The following PARP4 variants were observed in gnomAD, a reference collection of about 807,000 sequenced individuals.
PARP4 encodes poly(ADP-ribose) polymerase family member 4.
Under a neutral mutation model 187.7 loss-of-function variants are expected in PARP4, and 120 were observed. That is an observed-to-expected ratio of 0.64 (90% CI 0.55 to 0.74). PARP4 has a LOEUF of 0.74. PARP4 is among the 30% of genes least tolerant of loss of function. The probability of loss-of-function intolerance (pLI) is 0.00; values close to 1 mark genes in which losing one functional copy is unlikely to be tolerated. For missense variants in PARP4, 1,836 were observed against 2,070.5 expected, an observed-to-expected ratio of 0.89 and a Z score of 2.20; for synonymous variants, 654 against 740.9, an observed-to-expected ratio of 0.88 and a Z score of 1.90.
intron 17 of PARP4, among the ~76,000 whole-genome samples, chr13:24,465,073 C>A (rs1258383486): frequency 6.6e-6 from 1 of 152,102 alleles, no homozygotes; most frequent in East Asian, 1.9e-4. Context: ...AAATGCAAAT[C>A]AAAACCACGA....
chr13:24,451,951 G>C (rs1871541189), intron 24 of PARP4: 1 of 154,148 alleles, frequency 6.5e-6, no homozygotes, highest in South Asian at 2.1e-4. Flanking sequence ...AGCCTGGCGG[G>C]GTCTGCCTGG....
intron 7 of PARP4, among the ~76,000 whole-genome samples, chr13:24,494,230 G>A (rs1280988583): frequency 6.6e-6 from 1 of 152,086 alleles, no homozygotes; most frequent in African/African-American, 2.4e-5. Flanking sequence ...GGGTCTTGCT[G>A]TATTGCCCAG....
At chr13:24,425,978 G>A (rs1287733993) in intron 33 of PARP4, among the ~76,000 whole-genome samples, 1 of 152,200 alleles carries the variant, frequency 6.6e-6, no homozygotes. Flanking sequence ...TTATGAAGTT[G>A]TATTTGCCAA....
chr13:24,496,047 TTTTC>T (rs1159361075), intron 6 of PARP4, among the ~76,000 whole-genome samples: 11 of 151,026 alleles, frequency 7.3e-5, no homozygotes, highest in Admixed American at 5.3e-4. Flanking sequence ...GATGCTACGG[TTTTC>T]TTTCTCAATG....
At chr13:24,486,625 G>A (rs1873572224) in intron 10 of PARP4, among the ~76,000 whole-genome samples, 2 of 152,124 alleles carry the variant, frequency 1.3e-5, no homozygotes, top group African/African-American at 4.8e-5. Context: ...GGGCAACAGA[G>A]CAAGACCATG....
chr13:24,507,651 A>C (rs993361911), intron 1 of PARP4, among the ~76,000 whole-genome samples: 1 of 151,844 alleles, frequency 6.6e-6, no homozygotes, highest in African/African-American at 2.4e-5. Flanking sequence ...ACTGGCTCCC[A>C]CTCCTGTTGC....
intron 30 of PARP4, among the ~76,000 whole-genome samples, chr13:24,441,179 C>G (rs1870907834): frequency 6.6e-6 from 1 of 152,022 alleles, no homozygotes; most frequent in Non-Finnish European, 1.5e-5. Flanking sequence ...CCCTAAAAGA[C>G]TTTTTGTAGA....
At chr13:24,477,928 C>T in intron 13 of PARP4, 71 bp from the exon 14 acceptor site, 1 of 1,204,130 alleles carries the variant, frequency 8.3e-7, no homozygotes, top group Middle Eastern at 2.0e-4. Flanking sequence ...CAGATGTTTT[C>T]ATAAAAGCAT....
chr13:24,434,526 G>T lies in PARP4; in HGVS notation c.4615C>A (p.Gln1539Lys), dbSNP rs562006882. ...TCATCTTTTGTATCACATTTTATTT[G>T]TAAAAAGCAGCTGTCTTGAAGTACT... ...SEVLQDSCFL[Q>K]IKCDTKDDSI... Residue 1539 changes from glutamine (Q) to lysine (K), a missense_variant, in exon 31 of 34, where the codon CAA becomes AAA. Around this residue, in one of 8 missense-constraint regions of PARP4, gnomAD observed 450 missense variants for 439.2 expected, o/e 1.02. Transcript: ENST00000381989. 4 of 1,613,946 alleles carry T rather than the reference G, an allele frequency of 2.5e-6. No homozygotes were observed. The highest frequency in any genetic ancestry group is 2.2e-5 in the South Asian group (2 of 91,068).
chr13:24,490,451 AC>A (rs1481125482), intron 10 of PARP4, among the ~76,000 whole-genome samples: 2 of 152,236 alleles, frequency 1.3e-5, no homozygotes. Flanking sequence ...AGATTAGGTA[AC>A]CTTGAAATCG....
chr13:24,487,057 C>T (rs1220567159), intron 10 of PARP4, among the ~76,000 whole-genome samples: 2 of 149,210 alleles, frequency 1.3e-5, no homozygotes, highest in East Asian at 4.0e-4. Flanking sequence ...GTCAGGAGAT[C>T]AAGACCATCC....
intron 15 of PARP4, among the ~76,000 whole-genome samples, chr13:24,470,553 T>C (rs1872686336): frequency 6.6e-6 from 1 of 152,126 alleles, no homozygotes; most frequent in South Asian, 2.1e-4. Context: ...GTCTCTATTA[T>C]CTAATTAATC....
chr13:24,504,568 T>C (rs928405546), intron 1 of PARP4, among the ~76,000 whole-genome samples: 2 of 151,920 alleles, frequency 1.3e-5, no homozygotes, highest in Non-Finnish European at 2.9e-5. Flanking sequence ...TGATTACAGG[T>C]GTGAGCCACC....
chr13:24,490,799 T>G lies in PARP4; in HGVS notation c.1083A>C (p.Glu361Asp). Reference sequence around the variant, plus strand: ...GTGGGTTGGGTTTGGACAAATTAGTTTCACAGACATTAACCATGTCTCTTA... The same window carrying G: ...GTGGGTTGGGTTTGGACAAATTAGTGTCACAGACATTAACCATGTCTCTTA... ...QLIRDMVNVCETNLSKPNPPS... is the reference protein window; with the variant it reads ...QLIRDMVNVCDTNLSKPNPPS... Residue 361 changes from glutamate (E) to aspartate (D), a missense_variant, in exon 10 of 34, where the codon GAA (glutamate) becomes GAC (aspartate). Glu to Asp is a conservative substitution (Grantham distance 45, BLOSUM62 2). This residue lies in a region of PARP4 where 1,147 missense variants were observed against 1,214.2 expected (regional missense o/e 0.94). Coordinates refer to ENST00000381989, the MANE Select transcript of PARP4 (RefSeq NM_006437.4). 1.2e-6 allele frequency: 2 copies of G among 1,614,088 alleles called. No individual in the cohort carries two copies. Among genetic ancestry groups the G allele is most frequent in the Non-Finnish European group, 1.7e-6 (2 of 1,179,984 alleles).
Position 24,456,518 on chromosome 13 carries a change from G to C in PARP4, c.2425-40C>G, listed in dbSNP as rs187322626. The stretch of plus-strand genomic sequence containing the variant: ...CCGCGACAACAAGGTGAGTAATGGA[G>C]TAACACCATATTAGCAGTCTGCACT... On this transcript the variant is annotated intron_variant, in intron 20 of 33. Transcript: ENST00000381989. 2.9e-4 allele frequency: 453 copies of C among 1,570,168 alleles called. 1 individual carries two copies. The African/African-American group carries it at 5.7e-3, about 20-fold the overall frequency.
chr13:24,489,684 GGATTTTGAGAAT>G (rs1799000754), intron 10 of PARP4, among the ~76,000 whole-genome samples: 1 of 152,168 alleles, frequency 6.6e-6, no homozygotes, highest in Non-Finnish European at 1.5e-5. Flanking sequence ...TTTTGGGAAT[GGATTTTGAGAAT>G]GATAAAGGAA....
rs1173224796 is a variant in PARP4, at chr13:24,486,230, A to C, written c.1290T>G (p.Leu430=). Residue 430 remains leucine (L), a synonymous_variant, in exon 11 of 34, where the codon CTT becomes CTG. Coordinates refer to ENST00000381989, the MANE Select transcript of PARP4 (RefSeq NM_006437.4). The part of the protein sequence containing the change: ...VNETTEFLSK[L]GNVRPLLHGS... The stretch of plus-strand genomic sequence containing the variant: ...CATGCAACAAGGGCCTCACATTACC[A>C]AGTTTGCTCAAAAACTCTGTGGTTT... 1.2e-6 allele frequency: 2 copies of C among 1,613,600 alleles called. No individual in the cohort carries two copies. The highest frequency in any genetic ancestry group is 2.2e-5 in the East Asian group (1 of 44,884).
chr13:24,477,951 AG>A (rs1873071788), intron 13 of PARP4, 94 bp from the exon 14 acceptor site: 5 of 1,145,802 alleles, frequency 4.4e-6, no homozygotes, highest in Non-Finnish European at 3.7e-6. Flanking sequence ...TTGCTAATTT[AG>A]AAAATGTTGA....
rs774328515 is a variant in PARP4, at chr13:24,501,665, G to A, written c.302C>T (p.Thr101Ile). The part of the protein sequence containing the change: ...NYDPYKPLDI[T>I]PPPDQKASSS... ...GCTCGCCTTCTGATCAGGAGGTGGT[G>A]TGATGTCCAGGGGCTTATAAGGATC... The change falls in exon 3 of 34, where the codon ACA becomes ATA. Residue 101 changes from threonine (T) to isoleucine (I), a missense_variant. Coordinates refer to ENST00000381989, the MANE Select transcript of PARP4 (RefSeq NM_006437.4). 4.3e-6 allele frequency: 7 copies of A among 1,613,156 alleles called. No homozygotes were observed. Among genetic ancestry groups the A allele is most frequent in the African/African-American group, 4.0e-5 (3 of 74,876 alleles).
Sources: gnomAD v4.1 joint callset for allele counts (sites outside exome capture counted in the v4.1 genomes callset) on GRCh38, gnomAD v4.1.1 for gene constraint, gnomAD v4.1.1 regional missense constraint, MANE v1.5 for transcripts, NCBI Gene and HGNC (gene_info 2026-07-23, HGNC 2026-07-21) for gene names.